The following AFF2 variants were observed in gnomAD, a reference collection of about 807,000 sequenced individuals.
AFF2 encodes ALF transcription elongation factor 2.
AFF2 carries 14 observed loss-of-function variants against 76.9 expected under a neutral mutation model. That is an observed-to-expected ratio of 0.18 (90% CI 0.12 to 0.28). The LOEUF (loss-of-function observed/expected upper bound fraction) is 0.28. Among genes scored for constraint, AFF2 ranks in the 10% least tolerant of loss-of-function variants. The probability of loss-of-function intolerance (pLI) is 1.00; values close to 1 mark genes in which losing one functional copy is unlikely to be tolerated. For synonymous variants in AFF2, 398 were observed against 366.7 expected, an observed-to-expected ratio of 1.09 and a Z score of -0.98; for missense variants, 868 against 1,001.1, an observed-to-expected ratio of 0.87 and a Z score of 1.79.
Position 148,618,800 on chromosome X carries a change from C to T in AFF2, c.48-33199C>T, listed in dbSNP as rs140960139. ...GGATTCTGCTATTCGTAGAAGTGAGCAAGTACTGAACAGGGATAAATTTCT... is the reference window on the plus strand; with the variant it reads ...GGATTCTGCTATTCGTAGAAGTGAGTAAGTACTGAACAGGGATAAATTTCT... On this transcript the variant is annotated intron_variant, in intron 1 of 20. Transcript: ENST00000370460. 9.0e-3 allele frequency among the ~76,000 whole-genome samples: 1,004 copies of T among 111,306 alleles called. 11 individuals carry two copies. The highest frequency in any genetic ancestry group is 0.015 in the Non-Finnish European group (789 of 52,895).
intron 7 of AFF2, among the ~76,000 whole-genome samples, chrX:148,868,796 C>T (rs1286122861): frequency 8.9e-6 from 1 of 112,207 alleles, no homozygotes; most frequent in Non-Finnish European, 1.9e-5. Flanking sequence ...GTTGCTGCTT[C>T]CCTAGGAGGG....
At chrX:148,588,639 G>A (rs2053493024) in intron 1 of AFF2, among the ~76,000 whole-genome samples, 1 of 112,278 alleles carries the variant, frequency 8.9e-6, no homozygotes, top group Non-Finnish European at 1.9e-5. Flanking sequence ...TGTGAAAGTT[G>A]TGCTTTAAGT....
chrX:148,742,437 T>C (rs1365179744), intron 3 of AFF2, among the ~76,000 whole-genome samples: 2 of 112,053 alleles, frequency 1.8e-5, no homozygotes, highest in Admixed American at 1.9e-4. Flanking sequence ...CATTCTATTA[T>C]GTATGAGTTT....
chrX:148,978,481 A>C (rs375327234), intron 18 of AFF2, 26 bp downstream of exon 18: 8 of 1,009,085 alleles, frequency 7.9e-6, no homozygotes, highest in Non-Finnish European at 9.8e-6. Flanking sequence ...TATAATTTAT[A>C]GGTACAGGAT....
intron 19 of AFF2, among the ~76,000 whole-genome samples, chrX:148,984,421 A>T (rs782465509): frequency 8.9e-6 from 1 of 112,068 alleles, no homozygotes; most frequent in East Asian, 2.8e-4. Context: ...CACAAAGAAC[A>T]GGAAGGGAAA....
At chrX:148,574,932 C>T (rs2053267695) in intron 1 of AFF2, among the ~76,000 whole-genome samples, 1 of 94,107 alleles carries the variant, frequency 1.1e-5, no homozygotes, top group African/African-American at 4.1e-5. Flanking sequence ...TAAATACATA[C>T]ATAGTGCTGG....
At chrX:148,828,030 G>A (rs868983464) in intron 4 of AFF2, among the ~76,000 whole-genome samples, 21 of 104,755 alleles carry the variant, frequency 2.0e-4, no homozygotes, top group African/African-American at 4.9e-4. Flanking sequence ...ACTGTGAAAG[G>A]AAAAAAAAAA....
At chrX:148,797,556 T>C (rs1557270606) in intron 3 of AFF2, among the ~76,000 whole-genome samples, 2 of 112,219 alleles carry the variant, frequency 1.8e-5, no homozygotes, top group African/African-American at 6.5e-5. Flanking sequence ...CTTTTCCAAA[T>C]GCCAAAGTCA....
chrX:148,982,770 A>G (rs1035852441), intron 19 of AFF2, among the ~76,000 whole-genome samples: 15 of 111,917 alleles, frequency 1.3e-4, no homozygotes, highest in Admixed American at 1.3e-3. Flanking sequence ...AATTGGAAGG[A>G]GAAGCAGAAA....
chrX:148,967,220 C>G (rs1430035279), intron 14 of AFF2, 141 bp downstream of exon 14: 2 of 875,959 alleles, frequency 2.3e-6, no homozygotes, highest in Non-Finnish European at 3.1e-6. Flanking sequence ...TCCACCCCAC[C>G]CCCTGCATAC....
chrX:148,785,701 C>G (rs1434336332), intron 3 of AFF2, among the ~76,000 whole-genome samples: 2 of 112,048 alleles, frequency 1.8e-5, no homozygotes, highest in Non-Finnish European at 3.8e-5. Context: ...GGAACTGGCT[C>G]TCTCATAAGA....
intron 1 of AFF2, among the ~76,000 whole-genome samples, chrX:148,521,414 A>ACACT (rs782717428): frequency 3.9e-5 from 4 of 103,104 alleles, no homozygotes; most frequent in South Asian, 4.4e-4. Context: ...ACACACACTC[A>ACACT]CTGAGACTTT....
intron 19 of AFF2, among the ~76,000 whole-genome samples, chrX:148,981,261 G>A (rs1304921910): frequency 4.5e-5 from 5 of 111,632 alleles, no homozygotes; most frequent in Admixed American, 9.5e-5. Context: ...AAATGCCCTA[G>A]CCTAAGATAG....
chrX:148,830,979 T>G (rs1292194608), intron 4 of AFF2, among the ~76,000 whole-genome samples: 1 of 111,799 alleles, frequency 8.9e-6, no homozygotes, highest in Non-Finnish European at 1.9e-5. Context: ...TTTAGAGGCC[T>G]CCCCTTGGGA....
chrX:148,989,388 G>T (rs1357622476), intron 20 of AFF2, among the ~76,000 whole-genome samples: 1 of 112,102 alleles, frequency 8.9e-6, no homozygotes, highest in Admixed American at 9.4e-5. Context: ...GGGTGAAATG[G>T]TGTTAATCTT....
chrX:148,697,659 GA>G (rs57746948), intron 3 of AFF2, among the ~76,000 whole-genome samples: 15,615 of 100,903 alleles, frequency 0.15, 1,304 homozygotes, highest in East Asian at 0.58. Context: ...GTTCCCATTA[GA>G]AAAAAAAAAA....
At chrX:148,535,871 C>T (rs2052779019) in intron 1 of AFF2, among the ~76,000 whole-genome samples, 1 of 111,832 alleles carries the variant, frequency 8.9e-6, no homozygotes, top group South Asian at 3.7e-4. Context: ...TGCCGATGTG[C>T]AGCCAGGGTG....
chrX:148,661,744 T>C (rs1438224511), intron 2 of AFF2, among the ~76,000 whole-genome samples, 164 bp from the exon 3 acceptor site: 1 of 112,006 alleles, frequency 8.9e-6, no homozygotes, highest in Non-Finnish European at 1.9e-5. Context: ...CTTGATTTTT[T>C]TTCTTACATA....
chrX:148,879,823 C>T (rs782521044), intron 7 of AFF2, among the ~76,000 whole-genome samples: 2 of 110,640 alleles, frequency 1.8e-5, no homozygotes, highest in Admixed American at 9.6e-5. Flanking sequence ...CAGAGACAGA[C>T]GGAAGGCTGC....
Sources: allele counts gnomAD v4.1 joint callset (sites outside exome capture counted in the v4.1 genomes callset), GRCh38; gene constraint gnomAD v4.1.1; transcripts MANE v1.5; gene names NCBI Gene and HGNC (gene_info 2026-07-23, HGNC 2026-07-21).